SHISA9: variants seen among roughly 807,000 people sequenced by gnomAD.
SHISA9 encodes the protein protein shisa-9.
SHISA9 carries 13 observed loss-of-function variants against 38.0 expected under a neutral mutation model. The ratio of observed to expected loss-of-function variants is 0.34; its 90% CI spans 0.22 to 0.54. The LOEUF (loss-of-function observed/expected upper bound fraction) is 0.54, where lower values mean the gene tolerates loss of function less well. Ranked by LOEUF, SHISA9 falls within the 20% of genes least tolerant of loss-of-function variation. SHISA9 has a pLI of 0.91. For synonymous variants in SHISA9, 275 were observed against 242.0 expected (o/e 1.14, Z -1.27); for missense variants, 538 against 575.8 (o/e 0.93, Z 0.67).
At chr16:13,512,720 C>T in the SHISA9 span, among the ~76,000 whole-genome samples, 1 of 152,176 alleles carries the variant, frequency 6.6e-6, no homozygotes, top group Non-Finnish European at 1.5e-5. Context: ...CTACAACCAT[C>T]TGATCTTCGA....
At chr16:13,415,726 G>A in the SHISA9 span, among the ~76,000 whole-genome samples, 5 of 152,068 alleles carry the variant, frequency 3.3e-5, no homozygotes, top group Non-Finnish European at 7.4e-5. Context: ...GATAGCTATG[G>A]ATATGATTAT....
At chr16:13,037,813 A>T (rs889661019) in intron 2 of SHISA9, among the ~76,000 whole-genome samples, 2 of 152,142 alleles carry the variant, frequency 1.3e-5, no homozygotes, top group African/African-American at 4.8e-5. Context: ...CATTCCCCCA[A>T]ACTGAACTTC....
At chr16:13,232,291 G>C (rs1022107735) in intron 4 of SHISA9, among the ~76,000 whole-genome samples, 1 of 151,766 alleles carries the variant, frequency 6.6e-6, no homozygotes. Flanking sequence ...AAAGAATTCA[G>C]AAATTAAAAT....
intron 2 of SHISA9, among the ~76,000 whole-genome samples, chr16:13,130,656 A>G (rs764578373): frequency 2.6e-5 from 4 of 152,218 alleles, no homozygotes; most frequent in Non-Finnish European, 5.9e-5. Flanking sequence ...GCAATGAAAT[A>G]CATCTACACT....
intron 2 of SHISA9, among the ~76,000 whole-genome samples, chr16:12,983,958 T>G (rs1046057690): frequency 2.6e-5 from 4 of 152,226 alleles, no homozygotes; most frequent in Admixed American, 2.6e-4. Flanking sequence ...GGTTTTGGCT[T>G]CTGTTCATAA....
At position 12,903,057 on chromosome 16, in the gene SHISA9, G is replaced by A. The variant is rs2071042070; in HGVS notation, c.563+430G>A. 4 of 172,974 alleles carry A rather than the reference G, an allele frequency of 2.3e-5. No individual in the cohort carries two copies. In the South Asian group the frequency reaches 6.4e-4, roughly 28 times the overall value. 10.7% of individuals were successfully genotyped at this position (172,974 alleles called of 1,614,324 possible). ...CGAGCCCGAAAGGGGAGGGGGGCGT[G>A]TGTGAGCCCGAGCGCGCGTGTGTGA... On this transcript the variant is annotated intron_variant, in intron 1 of 4. Coordinates refer to ENST00000558583, the MANE Select transcript of SHISA9 (RefSeq NM_001145204.3).
At chr16:13,190,126 T>C (rs1418912291) in intron 2 of SHISA9, among the ~76,000 whole-genome samples, 6 of 151,870 alleles carry the variant, frequency 4.0e-5, no homozygotes, top group African/African-American at 1.5e-4. Flanking sequence ...CATGTGCACG[T>C]TGTGCAGGTT....
chr16:13,533,562 C>T, the SHISA9 span, among the ~76,000 whole-genome samples: 1 of 151,934 alleles, frequency 6.6e-6, no homozygotes, highest in Non-Finnish European at 1.5e-5. Context: ...CATCACCCCA[C>T]CCCCACCACC....
the SHISA9 span, among the ~76,000 whole-genome samples, chr16:13,511,705 T>C: frequency 3.6e-4 from 54 of 152,082 alleles, no homozygotes; most frequent in Admixed American, 2.8e-3. Flanking sequence ...GTAATTTCTC[T>C]GAATTGAGAT....
chr16:13,330,896 T>C, the SHISA9 span, among the ~76,000 whole-genome samples: 4 of 152,198 alleles, frequency 2.6e-5, no homozygotes, highest in Non-Finnish European at 5.9e-5. Flanking sequence ...TGTATCACTG[T>C]ACAGGTGTAC....
At chr16:13,270,364 A>G in the SHISA9 span, among the ~76,000 whole-genome samples, 8 of 152,190 alleles carry the variant, frequency 5.3e-5, no homozygotes, top group African/African-American at 1.9e-4. Context: ...CTCCACTGGA[A>G]TTTTGAAAGG....
At chr16:13,048,893 A>T (rs1246752054) in intron 2 of SHISA9, among the ~76,000 whole-genome samples, 1 of 152,220 alleles carries the variant, frequency 6.6e-6, no homozygotes, top group Non-Finnish European at 1.5e-5. Flanking sequence ...GATATGAATT[A>T]TTCAATTAAA....
At chr16:12,936,487 G>C (rs1343351984) in intron 2 of SHISA9, among the ~76,000 whole-genome samples, 1 of 152,194 alleles carries the variant, frequency 6.6e-6, no homozygotes, top group Non-Finnish European at 1.5e-5. Context: ...GGAAGAAAGA[G>C]AGAGAGTGTA....
the SHISA9 span, among the ~76,000 whole-genome samples, chr16:13,523,582 A>T: frequency 6.6e-5 from 10 of 152,188 alleles, no homozygotes; most frequent in Non-Finnish European, 1.3e-4. Context: ...ATGGAGGAGC[A>T]GGCATGTCAC....
chr16:13,356,494 A>C, the SHISA9 span, among the ~76,000 whole-genome samples: 2 of 152,022 alleles, frequency 1.3e-5, no homozygotes, highest in African/African-American at 4.8e-5. Flanking sequence ...CAGGAGGGGG[A>C]GGGCTAGTCA....
intron 1 of SHISA9, among the ~76,000 whole-genome samples, chr16:12,912,805 G>A (rs72782636): frequency 0.24 from 35,885 of 152,166 alleles, 4,956 homozygotes; most frequent in Non-Finnish European, 0.32. Context: ...AGGTGATGCT[G>A]ATGGACACCT....
chr16:13,257,431 C>A, the SHISA9 span, among the ~76,000 whole-genome samples: 11 of 152,294 alleles, frequency 7.2e-5, no homozygotes, highest in Non-Finnish European at 1.3e-4. Context: ...AGCTAACATT[C>A]AAGGGTGGGG....
At chr16:12,903,282 C>T (rs556505591) in intron 1 of SHISA9, among the ~76,000 whole-genome samples, 3 of 152,324 alleles carry the variant, frequency 2.0e-5, no homozygotes, top group South Asian at 2.1e-4. Flanking sequence ...TCTCTGGCCA[C>T]CACTTCTCCC....
the SHISA9 span, among the ~76,000 whole-genome samples, chr16:13,536,854 A>T: frequency 6.6e-6 from 1 of 152,218 alleles, no homozygotes; most frequent in African/African-American, 2.4e-5. Context: ...GAAGTTATTA[A>T]TGGCTAAACA....
Sources: gnomAD v4.1 joint callset for allele counts (sites outside exome capture counted in the v4.1 genomes callset) on GRCh38, gnomAD v4.1.1 for gene constraint, MANE v1.5 for transcripts, NCBI Gene and HGNC (gene_info 2026-07-23, HGNC 2026-07-21) for gene names.